HS2ST1: variants seen among roughly 807,000 people sequenced by gnomAD.
HS2ST1 encodes the protein 2-O-sulfotransferase.
A neutral mutation model predicts 42.9 loss-of-function variants in HS2ST1; 18 were observed. The ratio of observed to expected loss-of-function variants is 0.42; its 90% CI spans 0.29 to 0.62. The LOEUF is 0.62. Among genes scored for constraint, HS2ST1 ranks in the 20% least tolerant of loss-of-function variants. HS2ST1 has a pLI of 0.21. For missense variants in HS2ST1, 334 were observed against 433.8 expected (o/e 0.77, Z 2.04); for synonymous variants, 146 against 152.9 (o/e 0.95, Z 0.33).
chr1:86,915,111 C>T lies in HS2ST1; in HGVS notation c.75C>T (p.Leu25=), dbSNP rs748004256. 55 of 1,614,020 alleles carry T rather than the reference C, an allele frequency of 3.4e-5. No homozygotes were observed. The highest frequency in any genetic ancestry group is 1.1e-4 in the East Asian group (5 of 44,874). ...TGGTGGCCTTCGCGGTGGCGATGCT[C>T]TTCTTGGAAAACCAGATCCAGAAAC... ...LAVVAFAVAM[L]FLENQIQKLE... is the part of the protein sequence containing the mutation. Residue 25 remains leucine (L), a synonymous_variant, in exon 1 of 7, where the codon CTC becomes CTT. Coordinates refer to ENST00000370550, the MANE Select transcript of HS2ST1 (RefSeq NM_012262.4).
At chr1:87,027,069 A>G (rs1007707022) in intron 1 of HS2ST1, among the ~76,000 whole-genome samples, 10 of 152,212 alleles carry the variant, frequency 6.6e-5, no homozygotes, top group Non-Finnish European at 1.2e-4. Flanking sequence ...AATATGAGTA[A>G]GTTAACAGTA....
At chr1:86,946,357 A>G (rs1279010057) in intron 1 of HS2ST1, among the ~76,000 whole-genome samples, 1 of 152,226 alleles carries the variant, frequency 6.6e-6, no homozygotes, top group Non-Finnish European at 1.5e-5. Flanking sequence ...AGCACTTTTG[A>G]ATTAGATGAA....
chr1:87,008,819 C>G (rs1032379421), intron 1 of HS2ST1, among the ~76,000 whole-genome samples: 1 of 151,024 alleles, frequency 6.6e-6, no homozygotes, highest in Non-Finnish European at 1.5e-5. Context: ...CTACGAAATT[C>G]AGAAGGAGTT....
chr1:86,952,656 G>T (rs1647558474), intron 1 of HS2ST1, among the ~76,000 whole-genome samples: 1 of 152,206 alleles, frequency 6.6e-6, no homozygotes, highest in African/African-American at 2.4e-5. Context: ...GAGTTATTGG[G>T]TAACTAGGTG....
At chr1:87,065,915 A>G (rs1364164762) in intron 1 of HS2ST1, among the ~76,000 whole-genome samples, 2 of 152,164 alleles carry the variant, frequency 1.3e-5, no homozygotes, top group Non-Finnish European at 1.5e-5. Context: ...TTTTAACACT[A>G]GAAGTTTCAG....
intron 1 of HS2ST1, among the ~76,000 whole-genome samples, chr1:86,989,055 C>T (rs1336330576): frequency 6.6e-6 from 1 of 152,226 alleles, no homozygotes; most frequent in Non-Finnish European, 1.5e-5. Context: ...TCCTCCCTTT[C>T]TTTCTGGTGC....
At position 86,985,437 on chromosome 1, in the gene HS2ST1, T is replaced by C. The variant is rs1201487144; in HGVS notation, c.124+70277T>C. ...ATATATATACACATATATACACACA[T>C]ATATACACATATATACACACATATA... On this transcript the variant is annotated intron_variant, in intron 1 of 6. Transcript: ENST00000370550. 4.5e-3 allele frequency among the ~76,000 whole-genome samples: 171 copies of C among 37,788 alleles called. 44 individuals are homozygous for C. Among genetic ancestry groups the C allele is most frequent in the East Asian group, 0.029 (5 of 174 alleles). 24.8% of individuals were successfully genotyped at this position (37,788 alleles called of 152,430 possible). A position where few individuals can be genotyped will look rare whatever the true frequency, so the allele number is the denominator to read the frequency against.
At chr1:87,020,051 A>G (rs912347310) in intron 1 of HS2ST1, among the ~76,000 whole-genome samples, 1 of 152,100 alleles carries the variant, frequency 6.6e-6, no homozygotes, top group Non-Finnish European at 1.5e-5. Flanking sequence ...ATCTCTCATT[A>G]TTTTCTGTGA....
At chr1:86,922,062 C>A (rs1660310916) in intron 1 of HS2ST1, among the ~76,000 whole-genome samples, 1 of 151,794 alleles carries the variant, frequency 6.6e-6, no homozygotes, top group South Asian at 2.1e-4. Flanking sequence ...TTCTGTTTAT[C>A]TTAACTGTTC....
chr1:87,000,140 T>C (rs4656133), intron 1 of HS2ST1, among the ~76,000 whole-genome samples: 108,398 of 151,432 alleles, frequency 0.72, 40,396 homozygotes, highest in East Asian at 0.97. Flanking sequence ...ATCCCAAAAG[T>C]AGTACAGTTC....
intron 1 of HS2ST1, among the ~76,000 whole-genome samples, chr1:86,919,770 T>A (rs1396502301): frequency 6.6e-6 from 1 of 152,190 alleles, no homozygotes; most frequent in Non-Finnish European, 1.5e-5. Flanking sequence ...CTTTTTTTTG[T>A]TTTTAGTAAC....
At chr1:86,960,180 A>T (rs1255666889) in intron 1 of HS2ST1, among the ~76,000 whole-genome samples, 1 of 151,584 alleles carries the variant, frequency 6.6e-6, no homozygotes, top group African/African-American at 2.4e-5. Context: ...AATTTTTTCC[A>T]CAAGTGGCAC....
At chr1:86,917,057 A>G (rs1015227918) in intron 1 of HS2ST1, among the ~76,000 whole-genome samples, 2 of 152,182 alleles carry the variant, frequency 1.3e-5, no homozygotes, top group Non-Finnish European at 2.9e-5. Flanking sequence ...AAATTTCATA[A>G]AAAGTAGTAA....
intron 1 of HS2ST1, among the ~76,000 whole-genome samples, chr1:87,064,722 G>A (rs535799033): frequency 6.6e-6 from 1 of 152,256 alleles, no homozygotes; most frequent in East Asian, 1.9e-4. Flanking sequence ...GCGCAGTGGT[G>A]TGAACATGGC....
intron 1 of HS2ST1, among the ~76,000 whole-genome samples, chr1:86,931,563 A>G (rs1247732681): frequency 6.6e-6 from 1 of 152,084 alleles, no homozygotes; most frequent in Non-Finnish European, 1.5e-5. Context: ...TGAAAGTTTT[A>G]TTAAATAATA....
chr1:87,089,543 C>T (rs1205610214), intron 3 of HS2ST1, among the ~76,000 whole-genome samples: 1 of 151,998 alleles, frequency 6.6e-6, no homozygotes, highest in Non-Finnish European at 1.5e-5. Flanking sequence ...CCTATAGAAA[C>T]TAGCTGGTTG....
intron 1 of HS2ST1, among the ~76,000 whole-genome samples, chr1:87,033,284 A>G (rs889627084): frequency 2.6e-5 from 4 of 152,220 alleles, no homozygotes; most frequent in Admixed American, 1.3e-4. Context: ...ATATTCCTCA[A>G]GGGAATTATC....
chr1:87,027,945 C>T (rs1165402388), intron 1 of HS2ST1, among the ~76,000 whole-genome samples: 15 of 152,210 alleles, frequency 9.9e-5, no homozygotes, highest in Admixed American at 9.8e-4. Context: ...CCGCCTCGGC[C>T]TCCCGAAGTG....
chr1:87,004,583 A>G (rs1311028386), intron 1 of HS2ST1, among the ~76,000 whole-genome samples: 1 of 152,204 alleles, frequency 6.6e-6, no homozygotes, highest in African/African-American at 2.4e-5. Flanking sequence ...TTTACTCTGT[A>G]TTAGAGTCAC....
Sources: allele counts gnomAD v4.1 joint callset (sites outside exome capture counted in the v4.1 genomes callset), GRCh38; gene constraint gnomAD v4.1.1; transcripts MANE v1.5; gene names NCBI Gene and HGNC (gene_info 2026-07-23, HGNC 2026-07-21).